The following CAPN8 variants were observed in gnomAD, a reference collection of about 807,000 sequenced individuals.
CAPN8 encodes calpain-8.
CAPN8 carries 87 observed loss-of-function variants against 80.9 expected under a neutral mutation model. The ratio of observed to expected loss-of-function variants is 1.07; its 90% CI spans 0.90 to 1.28. CAPN8 has a LOEUF of 1.28. Among genes scored for constraint, CAPN8 ranks in the 50% most tolerant of loss-of-function variants. The pLI is 0.00. For missense variants in CAPN8, 757 were observed against 702.0 expected (o/e 1.08, Z -0.89); for synonymous variants, 299 against 273.8 (o/e 1.09, Z -0.91).
At chr1:223,641,513 A>C (rs1658038721) in intron 2 of CAPN8, among the ~76,000 whole-genome samples, 1 of 152,132 alleles carries the variant, frequency 6.6e-6, no homozygotes. Context: ...CACTGCAGCA[A>C]ATCTGGCTAT....
chr1:223,637,466 C>A (rs11580006), intron 2 of CAPN8, among the ~76,000 whole-genome samples: 3 of 152,032 alleles, frequency 2.0e-5, no homozygotes, highest in East Asian at 3.9e-4. Context: ...AGCAGCAGCA[C>A]CTGGGCAGGC....
intron 2 of CAPN8, among the ~76,000 whole-genome samples, chr1:223,637,103 A>G (rs952992974): frequency 2.0e-5 from 3 of 152,218 alleles, no homozygotes; most frequent in Non-Finnish European, 4.4e-5. Context: ...GGTTAGACTC[A>G]GGTCTACCTG....
At chr1:223,664,701 G>C (rs921806404) in intron 1 of CAPN8, among the ~76,000 whole-genome samples, 1 of 152,178 alleles carries the variant, frequency 6.6e-6, no homozygotes, top group Non-Finnish European at 1.5e-5. Context: ...ACTTTGGGAG[G>C]CTGAGGTGGG....
Position 223,609,199 on chromosome 1 carries a change from C to G in CAPN8, c.1489G>C (p.Gly497Arg), listed in dbSNP as rs1363524846. 1 of 398,270 alleles carries G rather than the reference C, an allele frequency of 2.5e-6. No individual in the cohort carries two copies. The highest frequency in any genetic ancestry group is 4.4e-6 in the Non-Finnish European group (1 of 226,064). The allele number at this position is 398,270 out of a possible 1,614,324, so 24.7% of individuals were successfully genotyped here. Residue 497 changes from glycine to arginine, a missense_variant, in exon 12 of 21, where the codon GGC (glycine) becomes CGC (arginine). By Grantham distance (125) the Gly-to-Arg change is moderately radical (BLOSUM62 -2). Coordinates refer to ENST00000366872, the MANE Select transcript of CAPN8 (RefSeq NM_001143962.2). ...GAGAACACTCTCAAGCAGAACTCGC[C>G]GTCTTTGAAGGGTTCAAATGTGGAT... is the stretch of plus-strand genomic sequence containing the variant. ...VPSTFEPFKD[G>R]EFCLRVFSEK...
chr1:223,545,951 T>A lies in CAPN8; in HGVS notation c.1765-652A>T, dbSNP rs903182825. Among the ~76,000 whole-genome samples the A allele has an allele frequency of 2.0e-5, 3 of 149,162 alleles. No individual in the cohort carries two copies. In the East Asian group the frequency reaches 5.9e-4, roughly 29 times the overall value. On this transcript the variant is annotated intron_variant, in intron 16 of 20. Transcript: ENST00000366872. ...CAATTCTCCATGTCAGTCTCCCAAG[T>A]AGCAGGGATTACAGGCACCCGCCAC...
intron 15 of CAPN8, among the ~76,000 whole-genome samples, chr1:223,550,688 G>A (rs1656759662): frequency 6.6e-6 from 1 of 152,160 alleles, no homozygotes; most frequent in Non-Finnish European, 1.5e-5. Context: ...GACTCAGCCT[G>A]CAATTTCACT....
At chr1:223,646,202 T>C (rs1407043190) in intron 2 of CAPN8, among the ~76,000 whole-genome samples, 2 of 152,238 alleles carry the variant, frequency 1.3e-5, no homozygotes, top group Non-Finnish European at 2.9e-5. Flanking sequence ...ACTTGTTAGA[T>C]GGGACTTGTT....
chr1:223,657,158 G>C (rs1053920533), intron 1 of CAPN8, among the ~76,000 whole-genome samples: 1 of 151,796 alleles, frequency 6.6e-6, no homozygotes, highest in South Asian at 2.1e-4. Context: ...TTATTCATTC[G>C]CTTTCAGTCT....
chr1:223,641,905 T>C (rs1176742327), intron 2 of CAPN8, among the ~76,000 whole-genome samples: 1 of 152,072 alleles, frequency 6.6e-6, no homozygotes, highest in Non-Finnish European at 1.5e-5. Flanking sequence ...GACAAATGAG[T>C]ATGTCAGATA....
rs540681424 is a variant in CAPN8, at chr1:223,625,887, A to G, written c.731T>C (p.Val244Ala). The G allele has an allele frequency of 1.2e-4, 187 of 1,550,568 alleles. 2 individuals are homozygous for G. The South Asian group carries it at 2.0e-3, about 17-fold the overall frequency. The change falls in exon 6 of 21, where the codon GTC becomes GCC. Residue 244 changes from valine (V) to alanine (A), a missense_variant and splice_region_variant. Coordinates refer to ENST00000366872, the MANE Select transcript of CAPN8 (RefSeq NM_001143962.2). ...AGSLLGCSIDVSSAAEAEAIT... is the reference protein window; with the variant it reads ...AGSLLGCSIDASSAAEAEAIT... ...GGCTTCGGCTTCGGCTGCACTGGAG[A>G]CCTGCGTAGAGAAGAAAGTCCACTC... is the stretch of plus-strand genomic sequence containing the variant.
chr1:223,547,055 A>G (rs1388150903), intron 16 of CAPN8, among the ~76,000 whole-genome samples: 1 of 152,138 alleles, frequency 6.6e-6, no homozygotes, highest in East Asian at 1.9e-4. Flanking sequence ...CTGGGATTAC[A>G]GACATGTGCC....
At chr1:223,550,837 G>T in intron 15 of CAPN8, 123 bp downstream of exon 15, 1 of 606,754 alleles carries the variant, frequency 1.6e-6, no homozygotes, top group Non-Finnish European at 3.0e-6. Flanking sequence ...GGGCTCCTGG[G>T]GTCAGACACC....
intron 7 of CAPN8, among the ~76,000 whole-genome samples, chr1:223,620,659 A>G (rs943803468): frequency 2.6e-5 from 4 of 152,178 alleles, no homozygotes; most frequent in Non-Finnish European, 5.9e-5. Context: ...TCCAGTACCC[A>G]TTAGTCACTT....
intron 10 of CAPN8, among the ~76,000 whole-genome samples, chr1:223,614,094 G>A (rs1009225231): frequency 3.9e-5 from 6 of 152,192 alleles, no homozygotes; most frequent in Non-Finnish European, 7.3e-5. Context: ...TGCTTTGCTG[G>A]TCTGGTTATA....
intron 2 of CAPN8, chr1:223,642,723 GA>G (rs1023771836): frequency 9.3e-6 from 4 of 431,308 alleles, no homozygotes; most frequent in Admixed American, 5.6e-5. Context: ...AAAAGAAAAA[GA>G]AAAAAAAGCA....
intron 11 of CAPN8, 81 bp downstream of exon 11, chr1:223,612,165 C>A: frequency 8.6e-7 from 1 of 1,160,110 alleles, no homozygotes; most frequent in African/African-American, 1.6e-5. Flanking sequence ...CCACAGGAAA[C>A]AGACGCTGCT....
intron 5 of CAPN8, 37 bp downstream of exon 5, chr1:223,626,952 G>T: frequency 1.3e-6 from 2 of 1,540,924 alleles, no homozygotes; most frequent in East Asian, 2.5e-5. Context: ...GGTGGCGGTG[G>T]GGGGAGGTGG....
At chr1:223,624,274 C>T (rs1225915669) in intron 6 of CAPN8, among the ~76,000 whole-genome samples, 1 of 152,218 alleles carries the variant, frequency 6.6e-6, no homozygotes, top group African/African-American at 2.4e-5. Flanking sequence ...AGAGGTGGGA[C>T]ATTCATTGCA....
Position 223,544,808 on chromosome 1 carries a change from C to T in CAPN8, c.1876G>A (p.Asp626Asn), listed in dbSNP as rs148756356. The T allele has an allele frequency of 5.6e-3, 8,743 of 1,551,644 alleles. 41 individuals are homozygous for T. Among genetic ancestry groups the T allele is most frequent in the Non-Finnish European group, 6.5e-3 (7,480 of 1,146,988 alleles). ...AGGGCTGTCCTCATCTCGTGGGCAT[C>T]GATGGTGCCCGAGTGGTTATAATCA... is the stretch of plus-strand genomic sequence containing the variant. ...ETDYNHSGTIDAHEMRTALRK... is the reference protein window; with the variant it reads ...ETDYNHSGTINAHEMRTALRK... Residue 626 changes from aspartate to asparagine, a missense_variant, in exon 18 of 21, where the codon GAT becomes AAT. By Grantham distance (23) the Asp-to-Asn change is conservative. Coordinates refer to ENST00000366872, the MANE Select transcript of CAPN8 (RefSeq NM_001143962.2).
Sources: gnomAD v4.1 joint callset for allele counts (sites outside exome capture counted in the v4.1 genomes callset) on GRCh38, gnomAD v4.1.1 for gene constraint, MANE v1.5 for transcripts, NCBI Gene and HGNC (gene_info 2026-07-23, HGNC 2026-07-21) for gene names.